NDUFAF2: variants seen among roughly 807,000 people sequenced by gnomAD.
NDUFAF2 encodes the protein NADH dehydrogenase [ubiquinone] 1 alpha subcomplex assembly factor 2.
Under a neutral mutation model 22.8 loss-of-function variants are expected in NDUFAF2, and 13 were observed. The observed-to-expected ratio is 0.57, with a 90% CI of 0.37 to 0.91. The LOEUF (loss-of-function observed/expected upper bound fraction) is 0.91. NDUFAF2 is among the 40% of genes least tolerant of loss of function. The pLI is 0.01. For missense variants in NDUFAF2, 162 were observed against 195.2 expected (o/e 0.83, Z 1.01); for synonymous variants, 53 against 64.2 (o/e 0.83, Z 0.84).
chr5:61,035,422 C>CTTTTTTT (rs1177405606), intron 1 of NDUFAF2, among the ~76,000 whole-genome samples: 1 of 62,558 alleles, frequency 1.6e-5, no homozygotes. Context: ...CTCTCTTGCT[C>CTTTTTTT]TGTTTTTTTT....
chr5:60,973,090 G>T (rs1302314565), intron 1 of NDUFAF2, among the ~76,000 whole-genome samples: 1 of 151,828 alleles, frequency 6.6e-6, no homozygotes, highest in Non-Finnish European at 1.5e-5. Context: ...CATATAATTA[G>T]GTTGTCTTGC....
At chr5:60,989,598 A>G (rs1751131097) in intron 1 of NDUFAF2, among the ~76,000 whole-genome samples, 1 of 152,230 alleles carries the variant, frequency 6.6e-6, no homozygotes, top group South Asian at 2.1e-4. Flanking sequence ...CTTTTCAGCA[A>G]CATGGATGGA....
At chr5:60,991,142 T>G (rs1009855877) in intron 1 of NDUFAF2, among the ~76,000 whole-genome samples, 7 of 152,172 alleles carry the variant, frequency 4.6e-5, no homozygotes, top group Non-Finnish European at 8.8e-5. Flanking sequence ...GTTTCACCTG[T>G]TTTTCTTTTA....
At chr5:60,957,006 T>G (rs1430223750) in intron 1 of NDUFAF2, among the ~76,000 whole-genome samples, 1 of 152,138 alleles carries the variant, frequency 6.6e-6, no homozygotes, top group African/African-American at 2.4e-5. Context: ...ATTTTAAAGT[T>G]GATAATTTAA....
intron 1 of NDUFAF2, among the ~76,000 whole-genome samples, chr5:61,036,933 G>A (rs996632208): frequency 6.6e-6 from 1 of 152,148 alleles, no homozygotes; most frequent in South Asian, 2.1e-4. Flanking sequence ...CCTTTCTGGG[G>A]CAGGGGTCAG....
chr5:61,054,209 A>G (rs1213564734), intron 1 of NDUFAF2, among the ~76,000 whole-genome samples: 2 of 151,958 alleles, frequency 1.3e-5, no homozygotes, highest in African/African-American at 2.4e-5. Context: ...TCTAGAAAAA[A>G]CAAAAATAAA....
chr5:60,974,178 C>G (rs1750870762), intron 1 of NDUFAF2, among the ~76,000 whole-genome samples: 1 of 152,208 alleles, frequency 6.6e-6, no homozygotes. Flanking sequence ...TAGATTAAAG[C>G]AGGCAGAAGA....
intron 1 of NDUFAF2, among the ~76,000 whole-genome samples, chr5:60,972,973 A>G (rs991581354): frequency 5.9e-5 from 9 of 151,526 alleles, no homozygotes; most frequent in African/African-American, 2.2e-4. Context: ...TTTTTTTACC[A>G]TAACCAAAGA....
At chr5:61,013,451 T>C (rs1481390997) in intron 1 of NDUFAF2, among the ~76,000 whole-genome samples, 1 of 152,170 alleles carries the variant, frequency 6.6e-6, no homozygotes, top group Non-Finnish European at 1.5e-5. Context: ...TTATATTGAT[T>C]TAATGCTTTG....
At chr5:61,152,492 G>C (rs936220601) in intron 3 of NDUFAF2, among the ~76,000 whole-genome samples, 3 of 151,938 alleles carry the variant, frequency 2.0e-5, no homozygotes, top group African/African-American at 4.8e-5. Context: ...GTCTATTATA[G>C]CATAAAATCA....
At chr5:60,950,774 A>T (rs1471645455) in intron 1 of NDUFAF2, among the ~76,000 whole-genome samples, 1 of 151,930 alleles carries the variant, frequency 6.6e-6, no homozygotes, top group Non-Finnish European at 1.5e-5. Flanking sequence ...AACTACTCAG[A>T]TATTCCTGCT....
At chr5:60,995,903 C>A (rs886103668) in intron 1 of NDUFAF2, among the ~76,000 whole-genome samples, 7 of 152,234 alleles carry the variant, frequency 4.6e-5, no homozygotes, top group Admixed American at 2.0e-4. Flanking sequence ...CAATGTCCCT[C>A]CCCATTTCAA....
intron 3 of NDUFAF2, among the ~76,000 whole-genome samples, chr5:61,141,367 C>T (rs2111826027): frequency 6.6e-6 from 1 of 152,030 alleles, no homozygotes; most frequent in Non-Finnish European, 1.5e-5. Flanking sequence ...TGCCTCTCTT[C>T]CTTAGATTGT....
chr5:61,136,023 ATATATATATATATATATATC>A (rs1169878387), intron 3 of NDUFAF2, among the ~76,000 whole-genome samples: 12 of 109,348 alleles, frequency 1.1e-4, no homozygotes, highest in Non-Finnish European at 2.3e-4. Flanking sequence ...ATATATATAT[ATATATATATATATATATATC>A]TAGGGTGGAT....
At chr5:61,095,742 A>G (rs1752631763) in intron 2 of NDUFAF2, among the ~76,000 whole-genome samples, 1 of 152,148 alleles carries the variant, frequency 6.6e-6, no homozygotes, top group South Asian at 2.1e-4. Context: ...TGGGAGAAGC[A>G]TGGTTTCCCA....
Position 61,004,954 on chromosome 5 carries a change from A to G in NDUFAF2, c.127+59572A>G, listed in dbSNP as rs1015583145. 3.5e-5 allele frequency among the ~76,000 whole-genome samples: 5 copies of G among 142,644 alleles called. No homozygotes were observed. In the East Asian group the frequency reaches 9.1e-4, roughly 26 times the overall value. 93.6% of individuals were successfully genotyped at this position (142,644 alleles called of 152,430 possible). On this transcript the variant is annotated intron_variant, in intron 1 of 3. Transcript: ENST00000296597. Reference sequence around the variant, plus strand: ...TTATTTATTTATTTTTCTTATTATTATAGTTTAAGTTCTAGGGTACGTGTG... The same window carrying G: ...TTATTTATTTATTTTTCTTATTATTGTAGTTTAAGTTCTAGGGTACGTGTG...
chr5:60,946,111 A>C (rs1212108239), intron 1 of NDUFAF2, among the ~76,000 whole-genome samples: 1 of 152,106 alleles, frequency 6.6e-6, no homozygotes, highest in African/African-American at 2.4e-5. Flanking sequence ...TTGGGGAGTA[A>C]GGAGGCGTTG....
chr5:61,132,542 C>G (rs569260496), intron 3 of NDUFAF2, among the ~76,000 whole-genome samples: 5 of 152,170 alleles, frequency 3.3e-5, no homozygotes, highest in Non-Finnish European at 7.3e-5. Flanking sequence ...ACCACTGATA[C>G]CCACTTGTAC....
intron 2 of NDUFAF2, among the ~76,000 whole-genome samples, chr5:61,074,522 G>C (rs911057932): frequency 6.6e-6 from 1 of 152,136 alleles, no homozygotes; most frequent in Non-Finnish European, 1.5e-5. Context: ...GGGGGGCAGA[G>C]GTTGCAGTGA....
Sources: allele counts gnomAD v4.1 joint callset (sites outside exome capture counted in the v4.1 genomes callset), GRCh38; gene constraint gnomAD v4.1.1; transcripts MANE v1.5; gene names NCBI Gene and HGNC (gene_info 2026-07-23, HGNC 2026-07-21).